The following CARF variants were observed in gnomAD, a reference collection of about 807,000 sequenced individuals.
The protein encoded by CARF is calcium-responsive transcription factor.
A neutral mutation model predicts 82.0 loss-of-function variants in CARF; 57 were observed. The ratio of observed to expected loss-of-function variants is 0.70; its 90% CI spans 0.56 to 0.87. The LOEUF (loss-of-function observed/expected upper bound fraction) is 0.87, where lower values mean the gene tolerates loss of function less well. Ranked by LOEUF, CARF falls within the 40% of genes least tolerant of loss-of-function variation. The pLI is 0.00. For synonymous variants in CARF, 268 were observed against 290.1 expected (o/e 0.92, Z 0.77); for missense variants, 771 against 855.8 (o/e 0.90, Z 1.24).
In CARF at chr2:202,967,049, G is replaced by A. The variant is rs201904518; in HGVS notation, c.904G>A (p.Glu302Lys). The change falls in exon 10 of 17, where the codon GAG (glutamate) becomes AAG (lysine). Residue 302 changes from glutamate to lysine, a missense_variant. Transcript: ENST00000438828. ...AGGTTTCCAGTTAAAAAAAGTCAGT[G>A]AGCAGGAAAGCAGGTCTTGTCAGCT... ...RKGFQLKKVS[E>K]QESRSCQLYK... 7 of 1,614,038 alleles carry A rather than the reference G, an allele frequency of 4.3e-6. No individual in the cohort carries two copies. The highest frequency in any genetic ancestry group is 2.2e-5 in the South Asian group (2 of 91,068).
chr2:202,933,794 A>C (rs1482044821), intron 3 of CARF, among the ~76,000 whole-genome samples: 1 of 152,166 alleles, frequency 6.6e-6, no homozygotes, highest in African/African-American at 2.4e-5. Context: ...AACTGTAGTC[A>C]CTATGAACTT....
At chr2:202,968,263 G>A (rs1024154579) in intron 10 of CARF, among the ~76,000 whole-genome samples, 2 of 152,044 alleles carry the variant, frequency 1.3e-5, no homozygotes, top group African/African-American at 4.8e-5. Flanking sequence ...TTAGCCAGCC[G>A]TGGTGGCGGG....
chr2:202,950,324 T>G lies in CARF; in HGVS notation c.307-2235T>G, dbSNP rs7589891. 9.5e-3 allele frequency among the ~76,000 whole-genome samples: 1,448 copies of G among 152,296 alleles called. 9 individuals are homozygous for G. Among genetic ancestry groups the G allele is most frequent in the Non-Finnish European group, 0.017 (1,169 of 68,016 alleles). On this transcript the variant is annotated intron_variant, in intron 5 of 16. Transcript: ENST00000438828. ...TGAAACTTGTATATGATTGAATAAC[T>G]TATAAAAACTTATTTGTGTTTAATT...
chr2:202,915,390 G>C lies in CARF; in HGVS notation c.-330+2288G>C, dbSNP rs567140395. ...ATCTCACTGCAACCTCTGCCTTCCA[G>C]GTTCAAGTGATCCGTGTTTCAGCCT... On this transcript the variant is annotated intron_variant, in intron 1 of 16. Transcript: ENST00000438828. Among the ~76,000 whole-genome samples the C allele has an allele frequency of 2.0e-5, 3 of 152,252 alleles. No individual in the cohort carries two copies. In the East Asian group the frequency reaches 5.8e-4, roughly 29 times the overall value.
intron 2 of CARF, among the ~76,000 whole-genome samples, chr2:202,923,071 A>C (rs1385377075): frequency 6.6e-6 from 1 of 151,740 alleles, no homozygotes. Context: ...GTGAAACCCC[A>C]TCTCTACTAA....
At chr2:202,975,611 C>G (rs1303709637) in intron 13 of CARF, among the ~76,000 whole-genome samples, 1 of 151,830 alleles carries the variant, frequency 6.6e-6, no homozygotes, top group East Asian at 2.0e-4. Flanking sequence ...TGAAAAACAA[C>G]AACAAAAAAC....
chr2:202,949,280 G>A (rs2105832635), intron 5 of CARF, among the ~76,000 whole-genome samples: 1 of 150,812 alleles, frequency 6.6e-6, no homozygotes, highest in Admixed American at 6.6e-5. Context: ...GTTGTGGTGA[G>A]CCAAGGTCGT....
chr2:202,939,827 T>C (rs1429609402), intron 3 of CARF, among the ~76,000 whole-genome samples: 1 of 151,454 alleles, frequency 6.6e-6, no homozygotes, highest in Non-Finnish European at 1.5e-5. Flanking sequence ...TAGCTGGGAC[T>C]GCAGACCCAC....
chr2:202,915,102 C>T (rs1480050761), intron 1 of CARF, among the ~76,000 whole-genome samples: 2 of 151,538 alleles, frequency 1.3e-5, no homozygotes, highest in Non-Finnish European at 2.9e-5. Flanking sequence ...CTGCAACCTC[C>T]GCCTTCCAGG....
At chr2:202,975,384 C>T (rs1012286175) in intron 13 of CARF, among the ~76,000 whole-genome samples, 6 of 151,944 alleles carry the variant, frequency 3.9e-5, no homozygotes, top group Admixed American at 3.3e-4. Flanking sequence ...GCGGAGCTTG[C>T]GGTGAGCCAA....
intron 3 of CARF, among the ~76,000 whole-genome samples, chr2:202,935,622 G>C (rs1047214668): frequency 5.9e-5 from 9 of 151,934 alleles, no homozygotes; most frequent in African/African-American, 1.9e-4. Flanking sequence ...ATAGGGTCTT[G>C]TTATGTTGCC....
At chr2:202,975,614 C>CA (rs2059993489) in intron 13 of CARF, among the ~76,000 whole-genome samples, 1 of 151,788 alleles carries the variant, frequency 6.6e-6, no homozygotes, top group Admixed American at 6.6e-5. Flanking sequence ...AAAACAACAA[C>CA]AAAAAACCAC....
intron 6 of CARF, 51 bp downstream of exon 6, chr2:202,952,730 T>A: frequency 6.5e-7 from 1 of 1,546,242 alleles, no homozygotes; most frequent in Admixed American, 1.9e-5. Flanking sequence ...AAAACATAAA[T>A]ATTTTAGAAA....
At chr2:202,942,325 G>T (rs2058268393) in intron 4 of CARF, among the ~76,000 whole-genome samples, 1 of 150,990 alleles carries the variant, frequency 6.6e-6, no homozygotes, top group Non-Finnish European at 1.5e-5. Flanking sequence ...AGTGAGCTGA[G>T]ATCACGCCAC....
intron 10 of CARF, 109 bp downstream of exon 10, chr2:202,967,207 C>G (rs2059592025): frequency 1.6e-6 from 2 of 1,218,490 alleles, no homozygotes; most frequent in Admixed American, 2.6e-5. Context: ...ACAGTGAATT[C>G]TAAGTTTTCT....
At chr2:202,981,882 T>C (rs2060276600) in intron 15 of CARF, among the ~76,000 whole-genome samples, 190 bp from the exon 16 acceptor site, 1 of 152,270 alleles carries the variant, frequency 6.6e-6, no homozygotes, top group Non-Finnish European at 1.5e-5. Flanking sequence ...AGTTTAAAGT[T>C]GACTATGAAT....
At chr2:202,961,197 T>C (rs780993137) in intron 8 of CARF, 40 bp from the exon 9 acceptor site, 2 of 1,497,684 alleles carry the variant, frequency 1.3e-6, no homozygotes, top group East Asian at 4.5e-5. Context: ...TGCAATGAAG[T>C]GTATTGCTAG....
At chr2:202,919,590 G>A (rs1050960909) in intron 2 of CARF, among the ~76,000 whole-genome samples, 43 of 152,068 alleles carry the variant, frequency 2.8e-4, no homozygotes, top group African/African-American at 8.0e-4. Flanking sequence ...TGTATGTTAC[G>A]GTACTGCTTC....
intron 9 of CARF, among the ~76,000 whole-genome samples, chr2:202,966,054 C>T (rs921351162): frequency 1.3e-5 from 2 of 152,186 alleles, no homozygotes; most frequent in African/African-American, 2.4e-5. Flanking sequence ...TTCCACAGAG[C>T]TCCCTTACCA....
Sources: gnomAD v4.1 joint callset for allele counts (sites outside exome capture counted in the v4.1 genomes callset) on GRCh38, gnomAD v4.1.1 for gene constraint, MANE v1.5 for transcripts, NCBI Gene and HGNC (gene_info 2026-07-23, HGNC 2026-07-21) for gene names.